Variants in GLIS3 observed in about 807,000 individuals in gnomAD.
GLIS3 encodes GLIS family zinc finger 3.
Under a neutral mutation model 78.6 loss-of-function variants are expected in GLIS3, and 53 were observed. The observed-to-expected ratio is 0.67, with a 90% CI of 0.54 to 0.85. The LOEUF is 0.85. Among genes scored for constraint, GLIS3 ranks in the 40% least tolerant of loss-of-function variants. GLIS3 has a pLI of 0.00. For missense variants in GLIS3, 1,703 were observed against 1,231.1 expected (o/e 1.38, Z -5.74); for synonymous variants, 684 against 509.9 (o/e 1.34, Z -4.60).
At chr9:4,148,503 T>C (rs998682231) in intron 2 of GLIS3, among the ~76,000 whole-genome samples, 11 of 152,160 alleles carry the variant, frequency 7.2e-5, no homozygotes, top group African/African-American at 2.7e-4. Flanking sequence ...CACATAGTTA[T>C]TCATTTGTCT....
intron 2 of GLIS3, among the ~76,000 whole-genome samples, chr9:4,166,236 G>A (rs141102057): frequency 5.0e-4 from 76 of 152,272 alleles, no homozygotes; most frequent in African/African-American, 1.6e-3. Flanking sequence ...TTTATTAAGA[G>A]GCAAATAGGA....
chr9:4,222,457 C>T (rs1821412399), intron 2 of GLIS3, among the ~76,000 whole-genome samples: 1 of 152,156 alleles, frequency 6.6e-6, no homozygotes, highest in Non-Finnish European at 1.5e-5. Context: ...CCTACCCTAT[C>T]CCCCTGTGTT....
intron 3 of GLIS3, among the ~76,000 whole-genome samples, chr9:4,121,251 C>T (rs1450362042): frequency 6.6e-6 from 1 of 152,172 alleles, no homozygotes; most frequent in African/African-American, 2.4e-5. Flanking sequence ...ACACTAGCTC[C>T]CAGTGGAAGT....
At chr9:4,017,142 C>T (rs2130101910) in intron 4 of GLIS3, among the ~76,000 whole-genome samples, 1 of 152,252 alleles carries the variant, frequency 6.6e-6, no homozygotes, top group Middle Eastern at 3.4e-3. Flanking sequence ...CACACTGCCA[C>T]CCAGATATCT....
intron 2 of GLIS3, among the ~76,000 whole-genome samples, chr9:4,268,074 C>T (rs1047064993): frequency 1.3e-5 from 2 of 152,256 alleles, no homozygotes; most frequent in East Asian, 1.9e-4. Context: ...CACACTCACA[C>T]ACACATAGCC....
chr9:4,221,077 AT>A (rs1333516795), intron 2 of GLIS3, among the ~76,000 whole-genome samples: 3 of 151,922 alleles, frequency 2.0e-5, no homozygotes, highest in Non-Finnish European at 2.9e-5. Flanking sequence ...TTCTTTTTTC[AT>A]TTTCTAGGAC....
At chr9:4,431,773 G>A in the GLIS3 span, among the ~76,000 whole-genome samples, 1 of 151,776 alleles carries the variant, frequency 6.6e-6, no homozygotes, top group Non-Finnish European at 1.5e-5. Context: ...GAACCTGGGA[G>A]GTGGAGGTTG....
At chr9:3,998,762 A>G (rs1820919689) in intron 4 of GLIS3, among the ~76,000 whole-genome samples, 1 of 148,916 alleles carries the variant, frequency 6.7e-6, no homozygotes, top group Non-Finnish European at 1.5e-5. Flanking sequence ...ATGTTTATTA[A>G]AAATAATATT....
intron 4 of GLIS3, among the ~76,000 whole-genome samples, chr9:4,096,975 G>A (rs1287291785): frequency 6.6e-6 from 1 of 152,140 alleles, no homozygotes; most frequent in Non-Finnish European, 1.5e-5. Flanking sequence ...TCGTGCCACT[G>A]CACTCCAGCC....
chr9:4,334,588 A>G (rs544812941), intron 2 of GLIS3, among the ~76,000 whole-genome samples: 1 of 152,326 alleles, frequency 6.6e-6, no homozygotes, highest in African/African-American at 2.4e-5. Flanking sequence ...CCTCCTGGCA[A>G]CAGGTTACCT....
At chr9:4,042,715 A>G (rs1337330103) in intron 4 of GLIS3, among the ~76,000 whole-genome samples, 1 of 152,210 alleles carries the variant, frequency 6.6e-6, no homozygotes, top group Non-Finnish European at 1.5e-5. Context: ...CAAAACTCCC[A>G]AAAACAAAAA....
chr9:3,925,532 C>T (rs1443188573), intron 6 of GLIS3, among the ~76,000 whole-genome samples: 2 of 152,268 alleles, frequency 1.3e-5, no homozygotes, highest in Non-Finnish European at 2.9e-5. Flanking sequence ...ACTCTAGTTT[C>T]CTCTCATGTA....
chr9:4,184,793 T>C (rs971728382), intron 2 of GLIS3, among the ~76,000 whole-genome samples: 1 of 152,324 alleles, frequency 6.6e-6, no homozygotes, highest in East Asian at 1.9e-4. Flanking sequence ...AAGTAGATTA[T>C]TGTGGGGTGG....
intron 6 of GLIS3, among the ~76,000 whole-genome samples, chr9:3,920,672 T>C (rs147289276): frequency 3.0e-4 from 45 of 152,126 alleles, no homozygotes; most frequent in African/African-American, 9.2e-4. Context: ...GGTTGCTATT[T>C]TGAGTACACA....
chr9:4,393,676 T>C, the GLIS3 span, among the ~76,000 whole-genome samples: 9 of 152,330 alleles, frequency 5.9e-5, no homozygotes, highest in Middle Eastern at 3.4e-3. Context: ...ATTTGGCTGA[T>C]GTTTCCTTGT....
At chr9:4,318,065 T>A (rs899247207) in intron 2 of GLIS3, among the ~76,000 whole-genome samples, 1 of 152,110 alleles carries the variant, frequency 6.6e-6, no homozygotes, top group Non-Finnish European at 1.5e-5. Flanking sequence ...AATGTCAAAG[T>A]AAGTTATTTC....
At chr9:4,401,850 C>T in the GLIS3 span, among the ~76,000 whole-genome samples, 1 of 152,122 alleles carries the variant, frequency 6.6e-6, no homozygotes, top group Non-Finnish European at 1.5e-5. Flanking sequence ...GGTGGCCTGG[C>T]AGAACCCCTG....
the GLIS3 span, among the ~76,000 whole-genome samples, chr9:4,354,295 G>T: frequency 2.0e-5 from 3 of 152,170 alleles, no homozygotes; most frequent in Non-Finnish European, 4.4e-5. Context: ...CTTTTTGTGT[G>T]TTTGAATGAG....
chr9:4,273,637 G>A (rs368539365), intron 2 of GLIS3, among the ~76,000 whole-genome samples: 1 of 123,888 alleles, frequency 8.1e-6, no homozygotes, highest in Non-Finnish European at 1.7e-5. Context: ...ATAAATAAAT[G>A]TATTTTCACA....
Sources: allele counts gnomAD v4.1 joint callset (sites outside exome capture counted in the v4.1 genomes callset), GRCh38; gene constraint gnomAD v4.1.1; transcripts MANE v1.5; gene names NCBI Gene and HGNC (gene_info 2026-07-23, HGNC 2026-07-21).